The following ADAMTS18 variants were observed in gnomAD, a reference collection of about 807,000 sequenced individuals.
ADAMTS18 encodes ADAM metallopeptidase with thrombospondin type 1 motif 18.
In ADAMTS18, 157 loss-of-function variants were observed where a neutral mutation model predicts 165.9. That is an observed-to-expected ratio of 0.95 (90% CI 0.83 to 1.08). The LOEUF is 1.08. Among genes scored for constraint, ADAMTS18 ranks in the 50% least tolerant of loss-of-function variants. ADAMTS18 has a pLI of 0.00. For synonymous variants in ADAMTS18, 782 were observed against 578.2 expected, an observed-to-expected ratio of 1.35 and a Z score of -5.06; for missense variants, 2,040 against 1,534.0, an observed-to-expected ratio of 1.33 and a Z score of -5.51.
At chr16:77,365,566 C>T (rs902475543) in intron 4 of ADAMTS18, among the ~76,000 whole-genome samples, 9 of 152,242 alleles carry the variant, frequency 5.9e-5, no homozygotes, top group Middle Eastern at 3.4e-3. Flanking sequence ...GCAAAGGGTG[C>T]GCACCAAGTT....
chr16:77,291,268 G>A lies in ADAMTS18; in HGVS notation c.3400C>T (p.Gln1134Ter). ...VAGWYSLPWQ[Q>*]CTVTCGGGVQ... ...CTCCTCAATCGGCCTGTACCCACCTGCTGCCACGGCAATGAATACCATCCA... is the reference window on the plus strand; with the variant it reads ...CTCCTCAATCGGCCTGTACCCACCTACTGCCACGGCAATGAATACCATCCA... Residue 1134 changes from glutamine to a stop codon, truncating the protein, a stop_gained and splice_region_variant, in exon 21 of 23, where the codon CAG becomes TAG. Coordinates refer to ENST00000282849, the MANE Select transcript of ADAMTS18 (RefSeq NM_199355.4). LOFTEE classifies it high-confidence loss of function. 6.2e-7 allele frequency: 1 copy of A among 1,613,930 alleles called. No homozygotes were observed. Among genetic ancestry groups the A allele is most frequent in the Non-Finnish European group, 8.5e-7 (1 of 1,180,008 alleles).
At chr16:77,406,808 CTGGA>C (rs2144819833) in intron 3 of ADAMTS18, among the ~76,000 whole-genome samples, 1 of 152,110 alleles carries the variant, frequency 6.6e-6, no homozygotes, top group East Asian at 1.9e-4. Context: ...ATGAATGCAA[CTGGA>C]CACCATTATC....
intron 10 of ADAMTS18, among the ~76,000 whole-genome samples, chr16:77,349,837 T>C (rs2056530345): frequency 6.6e-6 from 1 of 152,232 alleles, no homozygotes; most frequent in African/African-American, 2.4e-5. Context: ...ATGATAGGCC[T>C]GAGAACATTC....
In ADAMTS18 at chr16:77,323,937, T is replaced by C. The variant is rs139625198; in HGVS notation, c.2033-1471A>G. Among the ~76,000 whole-genome samples, 45 of 152,362 alleles carry C rather than the reference T, an allele frequency of 3.0e-4. No homozygotes were observed. In the East Asian group the frequency reaches 8.7e-3, roughly 29 times the overall value. ...TGTTGCATGCATGAATGAAATTGCATGCTCCCTACTCAGTGGAAACTGCAA... is the reference window on the plus strand; with the variant it reads ...TGTTGCATGCATGAATGAAATTGCACGCTCCCTACTCAGTGGAAACTGCAA... On this transcript the variant is annotated intron_variant, in intron 13 of 22. Transcript: ENST00000282849.
intron 3 of ADAMTS18, among the ~76,000 whole-genome samples, chr16:77,411,977 C>T (rs566306345): frequency 1.3e-5 from 2 of 151,990 alleles, no homozygotes; most frequent in Non-Finnish European, 2.9e-5. Context: ...CAGGAGCCAC[C>T]GAGCCCAGCC....
chr16:77,306,577 G>C (rs1330644385), intron 16 of ADAMTS18, among the ~76,000 whole-genome samples: 1 of 151,956 alleles, frequency 6.6e-6, no homozygotes, highest in Non-Finnish European at 1.5e-5. Flanking sequence ...TCTTCTTCAA[G>C]AAGTTGTCCT....
chr16:77,320,541 A>T (rs1017816205), intron 15 of ADAMTS18, among the ~76,000 whole-genome samples: 1 of 152,080 alleles, frequency 6.6e-6, no homozygotes, highest in Non-Finnish European at 1.5e-5. Context: ...CAAGAGGGTG[A>T]GGCAGGAGAA....
chr16:77,434,117 C>T (rs2144874035), intron 2 of ADAMTS18, among the ~76,000 whole-genome samples: 1 of 151,872 alleles, frequency 6.6e-6, no homozygotes, highest in Non-Finnish European at 1.5e-5. Context: ...AGTTAATGTC[C>T]ACTTCCCTTC....
At chr16:77,369,477 A>T (rs2056846056) in intron 3 of ADAMTS18, among the ~76,000 whole-genome samples, 1 of 152,202 alleles carries the variant, frequency 6.6e-6, no homozygotes, top group Non-Finnish European at 1.5e-5. Flanking sequence ...GGTTAACGCC[A>T]ATGAATTTGA....
intron 11 of ADAMTS18, among the ~76,000 whole-genome samples, chr16:77,340,524 A>T (rs944546917): frequency 6.6e-6 from 1 of 152,152 alleles, no homozygotes; most frequent in East Asian, 1.9e-4. Context: ...TTATCTCTAC[A>T]TCCCCAGAGT....
chr16:77,376,405 A>C (rs75770460), intron 3 of ADAMTS18, among the ~76,000 whole-genome samples: 13,574 of 152,142 alleles, frequency 0.089, 795 homozygotes, highest in East Asian at 0.26. Flanking sequence ...TGGGGACACA[A>C]AGCCAAACCA....
intron 17 of ADAMTS18, among the ~76,000 whole-genome samples, chr16:77,298,450 T>A (rs2055517456): frequency 6.6e-6 from 1 of 152,194 alleles, no homozygotes; most frequent in African/African-American, 2.4e-5. Context: ...TAGCAGTTAG[T>A]CCAGCTCCTG....
intron 3 of ADAMTS18, among the ~76,000 whole-genome samples, chr16:77,390,020 T>A (rs546952508): frequency 6.6e-6 from 1 of 152,274 alleles, no homozygotes; most frequent in Admixed American, 6.5e-5. Context: ...CTACAAAATC[T>A]ACTATGCTCA....
chr16:77,431,666 C>T (rs192415873), intron 2 of ADAMTS18, 55 bp from the exon 3 acceptor site: 117 of 1,582,954 alleles, frequency 7.4e-5, no homozygotes, highest in East Asian at 3.8e-4. Context: ...TCCAAATGGT[C>T]TCTTTCCAGC....
intron 3 of ADAMTS18, among the ~76,000 whole-genome samples, chr16:77,405,306 C>G (rs946057795): frequency 1.3e-5 from 2 of 152,170 alleles, no homozygotes; most frequent in East Asian, 1.9e-4. Flanking sequence ...TTCAATACCT[C>G]GAGCACCTTT....
At chr16:77,284,839 C>T (rs1039249353) in intron 22 of ADAMTS18, among the ~76,000 whole-genome samples, 1 of 152,012 alleles carries the variant, frequency 6.6e-6, no homozygotes, top group African/African-American at 2.4e-5. Context: ...GGAGGGTGTG[C>T]TGCTGGTCCA....
rs916653644 is a variant in ADAMTS18 at position 77,366,625 on chromosome 16, T to G, written c.778+816A>C. On this transcript the variant is annotated intron_variant, in intron 4 of 22. Transcript: ENST00000282849. ...GAAAATGTTTTAAATGTTTTAAGTA[T>G]GTCCCAAACAACTTGAGTATGTAAA... Among the ~76,000 whole-genome samples, 4 of 152,324 alleles carry G rather than the reference T, an allele frequency of 2.6e-5. No individual in the cohort carries two copies. In the East Asian group the frequency reaches 7.7e-4, roughly 29 times the overall value.
At position 77,364,474 on chromosome 16, in the gene ADAMTS18, C is replaced by T. The variant is rs958797376; in HGVS notation, c.779-93G>A. On this transcript the variant is annotated intron_variant, in intron 4 of 22. Coordinates refer to ENST00000282849, the MANE Select transcript of ADAMTS18 (RefSeq NM_199355.4). ...AACTGAAACAAGGGAAGAAGAGAAACTATGTAACCAACACACCACCAATCC... is the reference window on the plus strand; with the variant it reads ...AACTGAAACAAGGGAAGAAGAGAAATTATGTAACCAACACACCACCAATCC... 18 of 1,397,684 alleles carry T rather than the reference C, an allele frequency of 1.3e-5. No homozygotes were observed. The African/African-American group carries it at 2.0e-4, about 16-fold the overall frequency. The allele number at this position is 1,397,684 out of a possible 1,614,324, so 86.6% of individuals were successfully genotyped here.
intron 12 of ADAMTS18, among the ~76,000 whole-genome samples, chr16:77,328,333 A>G (rs2056130256): frequency 6.6e-6 from 1 of 152,140 alleles, no homozygotes; most frequent in South Asian, 2.1e-4. Context: ...CATCTTGTAT[A>G]ACATGAAAGG....
Sources: gnomAD v4.1 joint callset for allele counts (sites outside exome capture counted in the v4.1 genomes callset) on GRCh38, gnomAD v4.1.1 for gene constraint, MANE v1.5 for transcripts, NCBI Gene and HGNC (gene_info 2026-07-23, HGNC 2026-07-21) for gene names.